Variants in DPYSL4 observed in about 807,000 individuals in gnomAD.
DPYSL4 encodes the protein dihydropyrimidinase like 4.
In DPYSL4, 43 loss-of-function variants were observed where a neutral mutation model predicts 63.4. The ratio of observed to expected loss-of-function variants is 0.68; its 90% CI spans 0.53 to 0.88. DPYSL4 has a LOEUF of 0.88. Among genes scored for constraint, DPYSL4 ranks in the 40% least tolerant of loss-of-function variants. The pLI, the probability that DPYSL4 is intolerant of heterozygous loss-of-function variation, is 0.00. For missense variants in DPYSL4, 733 were observed against 819.5 expected, an observed-to-expected ratio of 0.89 and a Z score of 1.29; for synonymous variants, 353 against 331.7, an observed-to-expected ratio of 1.06 and a Z score of -0.70.
rs2062036191 is a variant in DPYSL4, at chr10:132,202,749, C to T, written c.1385C>T (p.Thr462Ile). 1.9e-6 allele frequency: 3 copies of T among 1,613,130 alleles called. No homozygotes were observed. In the East Asian group the frequency reaches 6.7e-5, roughly 36 times the overall value. ...CTGGAGGACGGGAAGATGTTTGTCACCCCGGGGGCGGGCCGCTTCGTCCCT... is the reference window on the plus strand; with the variant it reads ...CTGGAGGACGGGAAGATGTTTGTCATCCCGGGGGCGGGCCGCTTCGTCCCT... ...VALEDGKMFV[T>I]PGAGRFVPRK... is the part of the protein sequence containing the mutation. The change falls in exon 12 of 14, where the codon ACC (threonine) becomes ATC (isoleucine). Residue 462 changes from threonine to isoleucine, a missense_variant. Physicochemically the swap from Thr to Ile is moderately conservative, Grantham distance 89. Coordinates refer to ENST00000338492, the MANE Select transcript of DPYSL4 (RefSeq NM_006426.3).
At chr10:132,194,050 C>T (rs906207636) in intron 3 of DPYSL4, among the ~76,000 whole-genome samples, 12 of 152,262 alleles carry the variant, frequency 7.9e-5, no homozygotes, top group Admixed American at 7.8e-4. Flanking sequence ...AGCTGTGGGT[C>T]CCCGCGAAGA....
In DPYSL4 at chr10:132,198,975, A is replaced by C. The variant is rs1415265696; in HGVS notation, c.811+4A>C. 1.9e-6 allele frequency: 3 copies of C among 1,602,530 alleles called. No homozygotes were observed. In the Admixed American group the frequency reaches 5.0e-5, roughly 27 times the overall value. On this transcript the variant is annotated splice_donor_region_variant and intron_variant, in intron 8 of 13. Coordinates refer to ENST00000338492, the MANE Select transcript of DPYSL4 (RefSeq NM_006426.3). Reference sequence around the variant, plus strand: ...ATCGCTCAGGCCAAGCGCAGAGGTGAGCACCCAGCCCCGCCTCTGATGCCG... The same window carrying C: ...ATCGCTCAGGCCAAGCGCAGAGGTGCGCACCCAGCCCCGCCTCTGATGCCG...
intron 10 of DPYSL4, among the ~76,000 whole-genome samples, chr10:132,201,377 C>T (rs1468920805): frequency 6.6e-6 from 1 of 152,236 alleles, no homozygotes; most frequent in Non-Finnish European, 1.5e-5. Flanking sequence ...GGCAACTGAG[C>T]TCTTCCCCTC....
At position 132,190,923 on chromosome 10, in the gene DPYSL4, C is replaced by A. The variant is rs1358449531; in HGVS notation, c.128+88C>A. On this transcript the variant is annotated intron_variant, in intron 2 of 13. Transcript: ENST00000338492. ...ATCCAGGCAGTTGAAAGTATGTTCC[C>A]AGCTCGTGTGTACACGCTGGTCACG... The A allele has an allele frequency of 5.1e-6, 7 of 1,369,792 alleles. No homozygotes were observed. In the African/African-American group the frequency reaches 1.0e-4, roughly 20 times the overall value. The allele number at this position is 1,369,792 out of a possible 1,614,324, so 84.9% of individuals were successfully genotyped here.
At position 132,200,398 on chromosome 10, in the gene DPYSL4, C is replaced by G. The variant is rs776678046; in HGVS notation, c.854C>G (p.Thr285Ser). ...GAGCCCATCACCGCCAGCCTGGGCA[C>G]CGACGGTTCACACTACTGGAGCAAG... is the stretch of plus-strand genomic sequence containing the variant. ...FGEPITASLG[T>S]DGSHYWSKNW... Residue 285 changes from threonine to serine, a missense_variant, in exon 9 of 14, where the codon ACC becomes AGC. Physicochemically the swap from Thr to Ser is moderately conservative, Grantham distance 58. Coordinates refer to ENST00000338492, the MANE Select transcript of DPYSL4 (RefSeq NM_006426.3). 1 of 1,613,500 alleles carries G rather than the reference C, an allele frequency of 6.2e-7. No individual in the cohort carries two copies. The highest frequency in any genetic ancestry group is 1.7e-5 in the Admixed American group (1 of 60,010).
intron 4 of DPYSL4, 58 bp from the exon 5 acceptor site, chr10:132,196,803 G>C (rs892279776): frequency 6.3e-6 from 10 of 1,593,290 alleles, no homozygotes; most frequent in Middle Eastern, 1.7e-4. Flanking sequence ...AGCAGCAGAG[G>C]CTCCGTAGGT....
chr10:132,197,089 C>CATCGTGGAGGAGGT lies in DPYSL4; in HGVS notation c.610_621+2dup. ...CCCAGGTGCACGCTGAGAACGGGGA[C>CATCGTGGAGGAGGT]ATCGTGGAGGAGGTGCCGTGGGGCA... On this transcript the variant is annotated frameshift_variant, in exon 6 of 14. Coordinates refer to ENST00000338492, the MANE Select transcript of DPYSL4 (RefSeq NM_006426.3). LOFTEE classifies it high-confidence loss of function. The CATCGTGGAGGAGGT allele has an allele frequency of 6.6e-7, 1 of 1,526,278 alleles. No individual in the cohort carries two copies. The highest frequency in any genetic ancestry group is 8.8e-7 in the Non-Finnish European group (1 of 1,133,692). 94.5% of individuals were successfully genotyped at this position (1,526,278 alleles called of 1,614,324 possible). A position where few individuals can be genotyped will look rare whatever the true frequency, so the allele number is the denominator to read the frequency against.
chr10:132,192,906 A>C (rs952914747), intron 3 of DPYSL4, 64 bp downstream of exon 3: 1 of 1,499,074 alleles, frequency 6.7e-7, no homozygotes, highest in African/African-American at 1.4e-5. Context: ...CTCTCTGGCC[A>C]GGTGTGTGTG....
chr10:132,198,839 T>C lies in DPYSL4; in HGVS notation c.691-12T>C, dbSNP rs201980872. 3.7e-6 allele frequency: 6 copies of C among 1,612,626 alleles called. No individual in the cohort carries two copies. Among genetic ancestry groups the C allele is most frequent in the Non-Finnish European group, 5.1e-6 (6 of 1,179,778 alleles). ...CCCTCGTGTGGCCTCATCCCTCTCA[T>C]CTCGTCCCCAGGTGGAGGCTGAGGC... On this transcript the variant is annotated splice_polypyrimidine_tract_variant and intron_variant, in intron 7 of 13. Transcript: ENST00000338492.
chr10:132,187,136 G>T, intron 1 of DPYSL4, 34 bp downstream of exon 1: 1 of 1,496,388 alleles, frequency 6.7e-7, no homozygotes, highest in Non-Finnish European at 9.0e-7. Flanking sequence ...GGCGCCCCCT[G>T]CCCGCCGCCC....
chr10:132,197,562 C>T (rs1476833918), intron 6 of DPYSL4, among the ~76,000 whole-genome samples: 3 of 152,230 alleles, frequency 2.0e-5, no homozygotes, highest in Non-Finnish European at 2.9e-5. Context: ...GGGGCTGAGG[C>T]AACCTTGGCC....
intron 1 of DPYSL4, among the ~76,000 whole-genome samples, 183 bp downstream of exon 1, chr10:132,187,285 G>A (rs1590084859): frequency 6.6e-6 from 1 of 151,274 alleles, no homozygotes; most frequent in South Asian, 2.1e-4. Context: ...GAGAGTCCCC[G>A]CTAGCGCCGC....
At chr10:132,188,140 G>A (rs748399374) in intron 1 of DPYSL4, among the ~76,000 whole-genome samples, 37 of 152,182 alleles carry the variant, frequency 2.4e-4, no homozygotes, top group Admixed American at 3.9e-4. Flanking sequence ...GCTGGCATGT[G>A]GGGGTCGAGT....
intron 10 of DPYSL4, 107 bp from the exon 11 acceptor site, chr10:132,201,839 G>T: frequency 6.5e-6 from 8 of 1,233,724 alleles, no homozygotes; most frequent in Non-Finnish European, 9.0e-6. Flanking sequence ...GGGGCCTGGT[G>T]ACCTGGCATC....
chr10:132,201,002 G>A lies in DPYSL4; in HGVS notation c.1110+19G>A, dbSNP rs201383581. 4.9e-5 allele frequency: 79 copies of A among 1,610,546 alleles called. No individual in the cohort carries two copies. Among genetic ancestry groups the A allele is most frequent in the South Asian group, 1.4e-4 (13 of 90,744 alleles). On this transcript the variant is annotated intron_variant, in intron 10 of 13. Transcript: ENST00000338492. ...ATGTGTGGTGAGCACAGGCCTGGCC[G>A]GGGCACGCCGTCTGGGGAGCGGCTG...
intron 12 of DPYSL4, 43 bp from the exon 13 acceptor site, chr10:132,203,719 C>T: frequency 6.4e-7 from 1 of 1,558,432 alleles, no homozygotes; most frequent in Non-Finnish European, 8.7e-7. Flanking sequence ...GCTGCCCAGG[C>T]TCAGCCCCTC....
rs181807012 is a variant in DPYSL4 at position 132,198,102 on chromosome 10, G to A, written c.622-313G>A. On this transcript the variant is annotated intron_variant, in intron 6 of 13. Transcript: ENST00000338492. The stretch of plus-strand genomic sequence containing the variant: ...TGTGCACACCCCCACACATGCCCCC[G>A]CTGGGGGAGGCAGCGTGATGGGCAT... Among the ~76,000 whole-genome samples the A allele has an allele frequency of 3.5e-4, 53 of 152,324 alleles. 1 individual carries two copies. The East Asian group carries it at 6.6e-3, about 19-fold the overall frequency.
In DPYSL4 at chr10:132,196,841, G is replaced by A; in HGVS notation, c.479-20G>A. On this transcript the variant is annotated intron_variant, in intron 4 of 13. Coordinates refer to ENST00000338492, the MANE Select transcript of DPYSL4 (RefSeq NM_006426.3). ...TCTGACTGGTGATGGCTGAGCCTCT[G>A]ACCCCTGCCTCTTCTCCAGGTGTGA... The A allele has an allele frequency of 1.9e-6, 3 of 1,613,414 alleles. No individual in the cohort carries two copies.
intron 13 of DPYSL4, 90 bp downstream of exon 13, chr10:132,204,017 G>A: frequency 6.7e-7 from 1 of 1,485,930 alleles, no homozygotes; most frequent in Non-Finnish European, 9.1e-7. Context: ...GTGCCCAGAG[G>A]GGCTGCACAC....
Sources: allele counts gnomAD v4.1 joint callset (sites outside exome capture counted in the v4.1 genomes callset), GRCh38; gene constraint gnomAD v4.1.1; transcripts MANE v1.5; gene names NCBI Gene and HGNC (gene_info 2026-07-23, HGNC 2026-07-21).